The following CDH1 variants were observed in gnomAD, a reference collection of about 807,000 sequenced individuals.
The protein encoded by CDH1 is cadherin 1, also known as cadherin-1.
Under a neutral mutation model 84.5 loss-of-function variants are expected in CDH1, and 35 were observed. The ratio of observed to expected loss-of-function variants is 0.41; its 90% CI spans 0.32 to 0.55. The LOEUF (loss-of-function observed/expected upper bound fraction) is 0.55, where lower values mean the gene tolerates loss of function less well. Among genes scored for constraint, CDH1 ranks in the 20% least tolerant of loss-of-function variants. CDH1 has a pLI of 0.19. For missense variants in CDH1, 994 were observed against 1,126.6 expected, an observed-to-expected ratio of 0.88 and a Z score of 1.68; for synonymous variants, 417 against 439.0, an observed-to-expected ratio of 0.95 and a Z score of 0.63.
At chr16:68,815,988 T>C (rs1960978251) in intron 10 of CDH1, among the ~76,000 whole-genome samples, 1 of 152,216 alleles carries the variant, frequency 6.6e-6, no homozygotes, top group Non-Finnish European at 1.5e-5. Context: ...TCTTGTAGTA[T>C]GGTAGAAATG....
chr16:68,810,880 T>A (rs1417470040), intron 6 of CDH1, among the ~76,000 whole-genome samples: 1 of 150,008 alleles, frequency 6.7e-6, no homozygotes, highest in African/African-American at 2.5e-5. Flanking sequence ...AAAAAAAAAT[T>A]TTTTTTTCAG....
At chr16:68,811,188 A>G (rs940249018) in intron 6 of CDH1, among the ~76,000 whole-genome samples, 9 of 152,074 alleles carry the variant, frequency 5.9e-5, no homozygotes, top group East Asian at 1.9e-4. Context: ...ACTTGAGGTC[A>G]GGAGTTTGAG....
Position 68,823,577 on chromosome 16 carries a change from G to A in CDH1, c.2115G>A (p.Leu705=), listed in dbSNP as rs759256066. The change falls in exon 13 of 16, where the codon TTG becomes TTA. Residue 705 remains leucine, a synonymous_variant. Transcript: ENST00000261769. ...AGGCACAGCCTGTCGAAGCAGGATT[G>A]CAAATTCCTGCCATTCTGGGGATTC... ...CRKAQPVEAG[L]QIPAILGILG... 1.2e-6 allele frequency: 2 copies of A among 1,613,612 alleles called. No homozygotes were observed. The highest frequency in any genetic ancestry group is 8.5e-7 in the Non-Finnish European group (1 of 1,179,990).
At chr16:68,754,046 G>T (rs1962956664) in intron 2 of CDH1, among the ~76,000 whole-genome samples, 2 of 151,636 alleles carry the variant, frequency 1.3e-5, no homozygotes, top group South Asian at 2.1e-4. Context: ...TTGAACCTGG[G>T]AGGTGGAGCT....
intron 2 of CDH1, among the ~76,000 whole-genome samples, chr16:68,782,316 C>T (rs930547568): frequency 1.3e-5 from 2 of 152,188 alleles, no homozygotes; most frequent in African/African-American, 4.8e-5. Flanking sequence ...GGGGGCACTG[C>T]CTCTCCTTAG....
chr16:68,751,263 T>C (rs991491618), intron 2 of CDH1, among the ~76,000 whole-genome samples: 59 of 152,204 alleles, frequency 3.9e-4, no homozygotes, highest in African/African-American at 1.3e-3. Context: ...CTTTGACTCA[T>C]GTACCTGGGG....
rs1315879310 is a variant in CDH1, at chr16:68,835,295, A to C, written c.*1796A>C. The C allele has an allele frequency of 4.4e-6, 1 of 226,218 alleles. No homozygotes were observed. Among genetic ancestry groups the C allele is most frequent in the African/African-American group, 2.2e-5 (1 of 44,910 alleles). 14.0% of individuals were successfully genotyped at this position (226,218 alleles called of 1,614,324 possible). A position where few individuals can be genotyped will look rare whatever the true frequency, so the allele number is the denominator to read the frequency against. On this transcript the variant is annotated 3_prime_UTR_variant, in exon 16 of 16. Transcript: ENST00000261769. ...GTTGAAATAGCTTTACTGTTTCTCA[A>C]GTGTTTTGGAGAAAAAAATCAACCC...
Position 68,777,534 on chromosome 16 carries a change from CTTTTTTTT to C in CDH1, c.164-24120_164-24113del, listed in dbSNP as rs71148949. Among the ~76,000 whole-genome samples, 378 of 76,992 alleles carry C rather than the reference CTTTTTTTT, an allele frequency of 4.9e-3. 6 individuals carry two copies. The highest frequency in any genetic ancestry group is 0.018 in the African/African-American group (360 of 20,434). 50.5% of individuals were successfully genotyped at this position (76,992 alleles called of 152,430 possible). A position where few individuals can be genotyped will look rare whatever the true frequency, so the allele number is the denominator to read the frequency against. ...AGTGTTCTAGAAAAGGTAATGTTTC[CTTTTTTTT>C]TTTTTTTTTTTTTTTGAGAAGGGGG... On this transcript the variant is annotated intron_variant, in intron 2 of 15. Transcript: ENST00000261769.
chr16:68,783,764 C>T (rs369973514), intron 2 of CDH1, among the ~76,000 whole-genome samples: 4 of 152,070 alleles, frequency 2.6e-5, no homozygotes, highest in African/African-American at 9.7e-5. Flanking sequence ...GCAACCCTCA[C>T]CTCCCGGGTT....
Position 68,822,075 on chromosome 16 carries a change from G to C in CDH1, c.1786G>C (p.Glu596Gln), listed in dbSNP as rs1555516844. ...TGTGAATGACAACGCCCCCATACCA[G>C]AACCTCGAACTATATTCTTCTGTGA... ...SDVNDNAPIP[E>Q]PRTIFFCERN... The change falls in exon 12 of 16, where the codon GAA (glutamate) becomes CAA (glutamine). Residue 596 changes from glutamate to glutamine, a missense_variant. Physicochemically the swap from Glu to Gln is conservative, Grantham distance 29. Transcript: ENST00000261769. The C allele has an allele frequency of 6.2e-7, 1 of 1,614,168 alleles. No homozygotes were observed.
chr16:68,811,578 C>A (rs1960830519), intron 6 of CDH1, 106 bp from the exon 7 acceptor site: 1 of 960,376 alleles, frequency 1.0e-6, no homozygotes, highest in African/African-American at 1.6e-5. Flanking sequence ...ACGGTACCAC[C>A]CCCATGTCCC....
intron 2 of CDH1, among the ~76,000 whole-genome samples, chr16:68,755,594 C>T (rs1423146156): frequency 1.3e-5 from 2 of 151,610 alleles, no homozygotes; most frequent in Non-Finnish European, 2.9e-5. Context: ...ATTTTCACAT[C>T]TCCTTCATTT....
intron 2 of CDH1, among the ~76,000 whole-genome samples, chr16:68,738,836 G>A (rs980724542): frequency 6.6e-6 from 1 of 150,954 alleles, no homozygotes; most frequent in Non-Finnish European, 1.5e-5. Flanking sequence ...TCTGAACTGG[G>A]ATCTGACTCC....
intron 2 of CDH1, among the ~76,000 whole-genome samples, chr16:68,743,698 T>C (rs1206753348): frequency 6.6e-6 from 1 of 151,996 alleles, no homozygotes; most frequent in Non-Finnish European, 1.5e-5. Context: ...CTCAGCTCTA[T>C]CTCCTTTGAG....
Position 68,745,025 on chromosome 16 carries a change from G to C in CDH1, c.163+6614G>C, listed in dbSNP as rs145343348. Among the ~76,000 whole-genome samples, 167 of 152,278 alleles carry C rather than the reference G, an allele frequency of 1.1e-3. 1 individual carries two copies. Among genetic ancestry groups the C allele is most frequent in the African/African-American group, 3.8e-3 (156 of 41,568 alleles). ...GCGTTTTTTTGCTTGCCACTGTGCAGGGTGCTCAGGGTGGACCGGAACGGG... is the reference window on the plus strand; with the variant it reads ...GCGTTTTTTTGCTTGCCACTGTGCACGGTGCTCAGGGTGGACCGGAACGGG... On this transcript the variant is annotated intron_variant, in intron 2 of 15. Coordinates refer to ENST00000261769, the MANE Select transcript of CDH1 (RefSeq NM_004360.5).
chr16:68,748,113 T>TC (rs1962793599), intron 2 of CDH1, among the ~76,000 whole-genome samples: 1 of 38,268 alleles, frequency 2.6e-5, no homozygotes, highest in Non-Finnish European at 8.6e-5. Flanking sequence ...ATTATTTACT[T>TC]TTTTTTTTTT....
chr16:68,760,086 A>T (rs8060504), intron 2 of CDH1, among the ~76,000 whole-genome samples: 2,555 of 122,078 alleles, frequency 0.021, 88 homozygotes, highest in African/African-American at 0.062. Flanking sequence ...ATATATATAT[A>T]TTTTTTTTTT....
intron 15 of CDH1, among the ~76,000 whole-genome samples, chr16:68,831,333 G>A (rs1961479578): frequency 6.7e-6 from 1 of 149,156 alleles, no homozygotes; most frequent in Admixed American, 6.7e-5. Flanking sequence ...CAGGTGATCT[G>A]CCTGCCTTGG....
At chr16:68,749,254 AG>A (rs1962826814) in intron 2 of CDH1, among the ~76,000 whole-genome samples, 1 of 152,246 alleles carries the variant, frequency 6.6e-6, no homozygotes, top group Non-Finnish European at 1.5e-5. Context: ...GAGGAGAAAG[AG>A]GAACAATTCA....
Sources: gnomAD v4.1 joint callset for allele counts (sites outside exome capture counted in the v4.1 genomes callset) on GRCh38, gnomAD v4.1.1 for gene constraint, MANE v1.5 for transcripts, NCBI Gene and HGNC (gene_info 2026-07-23, HGNC 2026-07-21) for gene names.